CFAP99: variants seen among roughly 807,000 people sequenced by gnomAD.
CFAP99 encodes cilia and flagella associated protein 99, also known as cilia- and flagella-associated protein 99.
In CFAP99, 84 loss-of-function variants were observed where a neutral mutation model predicts 82.7. That is an observed-to-expected ratio of 1.02 (90% confidence interval 0.85 to 1.22). The LOEUF (loss-of-function observed/expected upper bound fraction) is 1.22. Ranked by LOEUF, CFAP99 falls within the 50% of genes most tolerant of loss-of-function variation. The pLI is 0.00. For missense variants in CFAP99, 1,059 were observed against 983.5 expected (o/e 1.08, Z -1.03); for synonymous variants, 456 against 429.5 (o/e 1.06, Z -0.76).
At chr4:2,421,083 C>G (rs1291782416) in intron 1 of CFAP99, among the ~76,000 whole-genome samples, 5 of 152,236 alleles carry the variant, frequency 3.3e-5, no homozygotes, top group African/African-American at 9.6e-5. Flanking sequence ...TGAAAAGCAA[C>G]TAGCAAAAGC....
In CFAP99 at chr4:2,462,746, A is replaced by G; in HGVS notation, c.1965A>G (p.Ala655=). The G allele has an allele frequency of 8.0e-7, 1 of 1,243,654 alleles. No homozygotes were observed. The highest frequency in any genetic ancestry group is 1.0e-6 in the Non-Finnish European group (1 of 990,924). The allele number at this position is 1,243,654 out of a possible 1,614,324, so 77.0% of individuals were successfully genotyped here. Residue 655 remains alanine, a synonymous_variant, in exon 15 of 15, where the codon GCA becomes GCG. Transcript: ENST00000635017. This position sits in a 1 kb window ranked among gnomAD's most constrained non-coding sequence, Gnocchi z 4.1. Reference sequence around the variant, plus strand: ...TCCGGTCCGCGGCCGGGAGATACGCAGCGGCGGGCGCGGGAGGCGGTGGGG... The same window carrying G: ...TCCGGTCCGCGGCCGGGAGATACGCGGCGGCGGGCGCGGGAGGCGGTGGGG...
intron 2 of CFAP99, among the ~76,000 whole-genome samples, chr4:2,429,647 A>G (rs1036228521): frequency 6.7e-6 from 1 of 149,376 alleles, no homozygotes; most frequent in Admixed American, 6.7e-5. Flanking sequence ...GCTGGAGTGC[A>G]GTGGCGCCAT....
intron 2 of CFAP99, chr4:2,428,614 C>T (rs2108711695): frequency 6.6e-6 from 1 of 152,342 alleles, no homozygotes; most frequent in South Asian, 2.1e-4. Flanking sequence ...CTCCTCTGAC[C>T]CAGCTGACCC....
In CFAP99 at chr4:2,458,713, G is replaced by T; in HGVS notation, c.1162-10G>T. 6.5e-7 allele frequency: 1 copy of T among 1,531,054 alleles called. No homozygotes were observed. The highest frequency in any genetic ancestry group is 8.7e-7 in the Non-Finnish European group (1 of 1,144,290). 94.8% of individuals were successfully genotyped at this position (1,531,054 alleles called of 1,614,324 possible). On this transcript the variant is annotated splice_polypyrimidine_tract_variant and intron_variant, in intron 11 of 14. Transcript: ENST00000635017. ...CCCCACTCACCGTGGCAGGTCCGCT[G>T]TCTGGGCAGATGGCCAAGCTGATGC... is the stretch of plus-strand genomic sequence containing the variant.
chr4:2,448,957 T>C lies in CFAP99; in HGVS notation c.643-713T>C, dbSNP rs116823976. On this transcript the variant is annotated intron_variant, in intron 6 of 14. Coordinates refer to ENST00000635017, the Ensembl canonical transcript of CFAP99. This position sits in a 1 kb window ranked among gnomAD's most constrained non-coding sequence, Gnocchi z 5.2. ...AGGTGACAAGGAGGACTCTGAGGCATGGGTGAGGAATGGACAGCGGTCGTG... is the reference window on the plus strand; with the variant it reads ...AGGTGACAAGGAGGACTCTGAGGCACGGGTGAGGAATGGACAGCGGTCGTG... Among the ~76,000 whole-genome samples, 199 of 152,144 alleles carry C rather than the reference T, an allele frequency of 1.3e-3. No individual in the cohort carries two copies. Among genetic ancestry groups the C allele is most frequent in the African/African-American group, 4.4e-3 (182 of 41,500 alleles).
At chr4:2,452,453 C>A (rs1174886277) in intron 11 of CFAP99, 107 bp downstream of exon 11, 3 of 1,164,526 alleles carry the variant, frequency 2.6e-6, no homozygotes, top group Non-Finnish European at 2.4e-6. Flanking sequence ...CCACAGCGCC[C>A]CCGTAGAAGC....
chr4:2,457,132 T>C (rs576907164), intron 11 of CFAP99, among the ~76,000 whole-genome samples: 2 of 151,978 alleles, frequency 1.3e-5, no homozygotes, highest in Admixed American at 6.6e-5. Flanking sequence ...TTGTATTTTC[T>C]GTAGAGACGG....
At chr4:2,461,918 G>C (rs959949999) in intron 14 of CFAP99, among the ~76,000 whole-genome samples, 3 of 152,008 alleles carry the variant, frequency 2.0e-5, no homozygotes, top group East Asian at 1.9e-4. Context: ...CGAGGTCAAA[G>C]GAGGCTTTCA....
chr4:2,444,264 T>C (rs1734112517), intron 5 of CFAP99, among the ~76,000 whole-genome samples: 1 of 152,162 alleles, frequency 6.6e-6, no homozygotes, highest in Non-Finnish European at 1.5e-5. Context: ...CAGGGTTGCC[T>C]CTGGGAAGCT....
rs558324229 is a variant in CFAP99 at position 2,425,083 on chromosome 4, T to C, written c.-17-1376T>C. Among the ~76,000 whole-genome samples the C allele has an allele frequency of 5.3e-5, 8 of 152,352 alleles. No homozygotes were observed. In the South Asian group the frequency reaches 1.4e-3, roughly 28 times the overall value. ...AACTTTACCTTCCGTCTCCTGTTTA[T>C]GTTTTTAGTTCTGTCATCGTATTTT... On this transcript the variant is annotated intron_variant, in intron 1 of 14. Coordinates refer to ENST00000635017, the Ensembl canonical transcript of CFAP99.
At chr4:2,429,843 G>C (rs71606393) in intron 2 of CFAP99, among the ~76,000 whole-genome samples, 1 of 152,102 alleles carries the variant, frequency 6.6e-6, no homozygotes, top group Non-Finnish European at 1.5e-5. Flanking sequence ...CGCCCGCCTC[G>C]GCCTCCCAAG....
At position 2,448,294 on chromosome 4, in the gene CFAP99, GC is replaced by G. The variant is rs1226069800; in HGVS notation, c.643-1372del. On this transcript the variant is annotated intron_variant, in intron 6 of 14. Transcript: ENST00000635017. This position sits in a 1 kb window ranked among gnomAD's most constrained non-coding sequence, Gnocchi z 5.2. ...TCTCTCTCTGTCTCTGCCAAGCACA[GC>G]CCCTGCCTGGGCCCTCACCATGTCC... 3.3e-5 allele frequency among the ~76,000 whole-genome samples: 5 copies of G among 152,158 alleles called. No homozygotes were observed. Among genetic ancestry groups the G allele is most frequent in the African/African-American group, 1.2e-4 (5 of 41,434 alleles).
chr4:2,447,933 ATGGAT>A (rs1734208412), intron 6 of CFAP99, among the ~76,000 whole-genome samples: 1 of 7,636 alleles, frequency 1.3e-4, no homozygotes, highest in Non-Finnish European at 2.3e-4. Context: ...GGATGGGTGG[ATGGAT>A]GGATGGATGG....
intron 6 of CFAP99, among the ~76,000 whole-genome samples, chr4:2,447,979 G>T (rs1734210373): frequency 7.0e-6 from 1 of 142,270 alleles, no homozygotes; most frequent in African/African-American, 2.6e-5. Flanking sequence ...ATGGATGGAT[G>T]GCTTCATGGA....
chr4:2,434,767 G>GC (rs1733874904), intron 2 of CFAP99, among the ~76,000 whole-genome samples: 1 of 152,236 alleles, frequency 6.6e-6, no homozygotes, highest in African/African-American at 2.4e-5. Flanking sequence ...TATCTTGTTA[G>GC]CAGAGCCCAG....
intron 13 of CFAP99, 90 bp from the exon 14 acceptor site, chr4:2,459,947 G>C (rs950869226): frequency 1.1e-5 from 13 of 1,177,788 alleles, no homozygotes; most frequent in Non-Finnish European, 1.3e-5. Context: ...TGGGCAAGGG[G>C]TGGGCCTATG....
intron 6 of CFAP99, among the ~76,000 whole-genome samples, chr4:2,449,383 C>T (rs1388541652): frequency 2.0e-5 from 3 of 152,064 alleles, no homozygotes; most frequent in African/African-American, 4.8e-5. Context: ...CCATGCTGGC[C>T]GATGGTACGC....
At chr4:2,460,283 G>A in intron 14 of CFAP99, 41 bp downstream of exon 14, 1 of 1,516,630 alleles carries the variant, frequency 6.6e-7, no homozygotes, top group Admixed American at 2.0e-5. Context: ...GGGTGGACAG[G>A]GAGCATGCTG....
At position 2,462,698 on chromosome 4, in the gene CFAP99, G is replaced by GCGGGGATGGCGGGGAGAT; in HGVS notation, c.1922_1939dup (p.Gly641_Arg646dup). On this transcript the variant is annotated inframe_insertion, in exon 15 of 15. Transcript: ENST00000635017. The surrounding 1 kb of genome is among the most constrained non-coding windows in gnomAD (Gnocchi z 4.1). ...GGCGCGCAGGGACCGGCGTCCCGGGGCGGGGATGGCGGGGAGATCGGGTCC... is the reference window on the plus strand; with the variant it reads ...GGCGCGCAGGGACCGGCGTCCCGGGGCGGGGATGGCGGGGAGATCGGGGATGGCGGGGAGATCGGGTCC... 1 of 1,251,524 alleles carries GCGGGGATGGCGGGGAGAT rather than the reference G, an allele frequency of 8.0e-7. No homozygotes were observed. Among genetic ancestry groups the GCGGGGATGGCGGGGAGAT allele is most frequent in the Non-Finnish European group, 1.0e-6 (1 of 996,410 alleles). The allele number at this position is 1,251,524 out of a possible 1,614,324, so 77.5% of individuals were successfully genotyped here.
Sources: allele counts gnomAD v4.1 joint callset (sites outside exome capture counted in the v4.1 genomes callset), GRCh38; gene constraint gnomAD v4.1.1; non-coding constraint Gnocchi (gnomAD v3.1); transcripts MANE v1.5; gene names NCBI Gene and HGNC (gene_info 2026-07-23, HGNC 2026-07-21).